Variants in MCM4 observed in about 807,000 individuals in gnomAD.
The protein encoded by MCM4 is DNA replication licensing factor MCM4.
A neutral mutation model predicts 88.7 loss-of-function variants in MCM4; 60 were observed. The observed-to-expected ratio is 0.68, with a 90% CI of 0.55 to 0.84. MCM4 has a LOEUF of 0.84. Ranked by LOEUF, MCM4 falls within the 40% of genes least tolerant of loss-of-function variation. The pLI, the probability that MCM4 is intolerant of heterozygous loss-of-function variation, is 0.00. For missense variants in MCM4, 1,149 were observed against 1,105.5 expected, an observed-to-expected ratio of 1.04 and a Z score of -0.56; for synonymous variants, 465 against 410.5, an observed-to-expected ratio of 1.13 and a Z score of -1.61.
Position 47,961,149 on chromosome 8 carries a change from C to T in MCM4, c.5C>T (p.Ser2Leu). The T allele has an allele frequency of 1.3e-6, 2 of 1,552,488 alleles. No individual in the cohort carries two copies. The highest frequency in any genetic ancestry group is 1.4e-5 in the African/African-American group (1 of 70,590). The change falls in exon 2 of 17, where the codon TCG (serine) becomes TTG (leucine). Residue 2 changes from serine to leucine, a missense_variant. By Grantham distance (145) the Ser-to-Leu change is moderately radical. Around this residue, in one of 3 missense-constraint regions of MCM4, gnomAD observed 906 missense variants for 843.0 expected, o/e 1.07. Coordinates refer to ENST00000649973, the MANE Select transcript of MCM4 (RefSeq NM_182746.3). ...CGCGCAGGTACTCCGAGCACTATGTCGTCCCCGGCGTCGACCCCGAGCCGC... is the reference window on the plus strand; with the variant it reads ...CGCGCAGGTACTCCGAGCACTATGTTGTCCCCGGCGTCGACCCCGAGCCGC... MSSPASTPSRRG... is the reference protein window; with the variant it reads MLSPASTPSRRG...
intron 7 of MCM4, among the ~76,000 whole-genome samples, chr8:47,963,828 G>A (rs1017873431): frequency 6.6e-6 from 1 of 152,202 alleles, no homozygotes; most frequent in Non-Finnish European, 1.5e-5. Flanking sequence ...GCTGATTACT[G>A]GCTGCATAAC....
intron 3 of MCM4, 89 bp downstream of exon 3, chr8:47,961,769 A>G (rs1302493473): frequency 6.8e-7 from 1 of 1,466,612 alleles, no homozygotes; most frequent in Non-Finnish European, 9.2e-7. Flanking sequence ...AACAGTTGGC[A>G]TAACGCCTAA....
rs1399671012 is a variant in MCM4 at position 47,961,700 on chromosome 8, G to C, written c.235+20G>C. ...CTTCAGGTGCGTGTCTGAAGATCTT[G>C]GTTTTGCTGTGCTTGATACACAGCT... On this transcript the variant is annotated intron_variant, in intron 3 of 16. Coordinates refer to ENST00000649973, the MANE Select transcript of MCM4 (RefSeq NM_182746.3). The C allele has an allele frequency of 4.4e-6, 7 of 1,591,098 alleles. No individual in the cohort carries two copies. Among genetic ancestry groups the C allele is most frequent in the Non-Finnish European group, 6.0e-6 (7 of 1,167,390 alleles).
chr8:47,976,957 T>G lies in MCM4; in HGVS notation c.*179T>G, dbSNP rs1212567770. The stretch of plus-strand genomic sequence containing the variant: ...AGTGAAGTATCTGTTTTCATTTTTT[T>G]CACGTTATAAATAAAAATACTATGC... On this transcript the variant is annotated 3_prime_UTR_variant, in exon 17 of 17. Transcript: ENST00000649973. 9.9e-6 allele frequency: 5 copies of G among 506,944 alleles called. No individual in the cohort carries two copies. In the East Asian group the frequency reaches 1.7e-4, roughly 17 times the overall value. 31.4% of individuals were successfully genotyped at this position (506,944 alleles called of 1,614,324 possible).
Position 47,970,592 on chromosome 8 carries a change from A to C in MCM4, c.1516A>C (p.Ile506Leu). 6.2e-7 allele frequency: 1 copy of C among 1,614,136 alleles called. No homozygotes were observed. The highest frequency in any genetic ancestry group is 1.3e-5 in the African/African-American group (1 of 75,020). The change falls in exon 12 of 17, where the codon ATC (isoleucine) becomes CTC (leucine). Residue 506 changes from isoleucine to leucine, a missense_variant. Coordinates refer to ENST00000649973, the MANE Select transcript of MCM4 (RefSeq NM_182746.3). ...GRGKFRAEIN[I>L]LLCGDPGTSK... is the part of the protein sequence containing the mutation. ...GGGCAAATTTCGGGCTGAGATCAAC[A>C]TCTTGCTGTGTGGCGACCCTGGTAC...
chr8:47,961,776 C>A, intron 3 of MCM4, 96 bp downstream of exon 3: 1 of 1,410,876 alleles, frequency 7.1e-7, no homozygotes, highest in Non-Finnish European at 9.6e-7. Context: ...GGCATAACGC[C>A]TAAAGCATCC....
intron 9 of MCM4, 129 bp downstream of exon 9, chr8:47,966,536 G>A: frequency 4.3e-6 from 4 of 929,836 alleles, no homozygotes; most frequent in Non-Finnish European, 6.4e-6. Context: ...TGGTCTTGTG[G>A]GTTTCGTTAG....
Position 47,961,201 on chromosome 8 carries a change from C to A in MCM4, c.57C>A (p.Thr19=). The A allele has an allele frequency of 2.0e-6, 3 of 1,527,750 alleles. No individual in the cohort carries two copies. Among genetic ancestry groups the A allele is most frequent in the Non-Finnish European group, 2.6e-6 (3 of 1,146,282 alleles). 94.6% of individuals were successfully genotyped at this position (1,527,750 alleles called of 1,614,324 possible). Residue 19 remains threonine (T), a synonymous_variant, in exon 2 of 17, where the codon ACC becomes ACA. Transcript: ENST00000649973. ...SRRGSRRGRA[T]PAQTPRSEDA... Reference sequence around the variant, plus strand: ...GCGGCAGCCGGCGTGGAAGGGCCACCCCCGCCCAGACGCGTGAGTCCCCCG... The same window carrying A: ...GCGGCAGCCGGCGTGGAAGGGCCACACCCGCCCAGACGCGTGAGTCCCCCG...
chr8:47,967,802 A>G (rs1240776720), intron 10 of MCM4, among the ~76,000 whole-genome samples: 1 of 152,200 alleles, frequency 6.6e-6, no homozygotes, highest in Non-Finnish European at 1.5e-5. Context: ...ATCATGAGAG[A>G]GCAGCCTCAG....
intron 15 of MCM4, chr8:47,975,485 TG>T (rs1393250112): frequency 3.1e-6 from 1 of 320,918 alleles, no homozygotes; most frequent in East Asian, 5.2e-5. Flanking sequence ...AGAAGTTGTT[TG>T]TTTCTTAGCA....
rs767159783 is a variant in MCM4, at chr8:47,970,831, G to A, written c.1755G>A (p.Ser585=). 1.2e-5 allele frequency: 20 copies of A among 1,610,554 alleles called. No individual in the cohort carries two copies. In the East Asian group the frequency reaches 1.6e-4, roughly 13 times the overall value. Reference sequence around the variant, plus strand: ...ACAAGATGAATGAAAGTACAAGATCGGTATTGCATGAAGTCATGGAACAGC... The same window carrying A: ...ACAAGATGAATGAAAGTACAAGATCAGTATTGCATGAAGTCATGGAACAGC... ...EFDKMNESTR[S]VLHEVMEQQT... Residue 585 remains serine (S), a synonymous_variant, in exon 12 of 17, where the codon TCG becomes TCA. Transcript: ENST00000649973.
intron 7 of MCM4, among the ~76,000 whole-genome samples, chr8:47,963,556 T>C (rs1028604577): frequency 3.9e-5 from 6 of 152,236 alleles, no homozygotes; most frequent in African/African-American, 1.4e-4. Flanking sequence ...AATGACAGGT[T>C]ATGGTTTACT....
Position 47,967,358 on chromosome 8 carries a change from C to T in MCM4, c.1054-7C>T. On this transcript the variant is annotated splice_polypyrimidine_tract_variant and splice_region_variant and intron_variant, in intron 9 of 16. Transcript: ENST00000649973. ...GGCCCACATGTTCTCTGTTTGCTGA[C>T]CTTCAGATCAAGCTTCAGGAGTCTC... 6.2e-7 allele frequency: 1 copy of T among 1,614,086 alleles called. No homozygotes were observed. The highest frequency in any genetic ancestry group is 8.5e-7 in the Non-Finnish European group (1 of 1,179,978).
intron 7 of MCM4, 145 bp downstream of exon 7, chr8:47,963,185 G>C: frequency 1.7e-6 from 1 of 577,192 alleles, no homozygotes; most frequent in South Asian, 2.2e-5. Context: ...CGGTGTGGTG[G>C]CTCACACCTA....
chr8:47,961,968 C>T (rs1420756154), intron 3 of MCM4, 85 bp from the exon 4 acceptor site: 4 of 1,263,630 alleles, frequency 3.2e-6, no homozygotes, highest in Admixed American at 3.6e-5. Context: ...TTTGCTGTTG[C>T]GATTAGATGG....
intron 7 of MCM4, among the ~76,000 whole-genome samples, 179 bp downstream of exon 7, chr8:47,963,219 G>C (rs923026793): frequency 2.6e-5 from 4 of 152,242 alleles, no homozygotes; most frequent in African/African-American, 4.8e-5. Context: ...TTAGGACGCC[G>C]AGGCAAATGG....
At chr8:47,964,435 C>T (rs1022290424) in intron 7 of MCM4, 139 bp from the exon 8 acceptor site, 1 of 537,800 alleles carries the variant, frequency 1.9e-6, no homozygotes, top group South Asian at 3.4e-5. Flanking sequence ...AATTTGAAAA[C>T]AGCACGTGCA....
intron 10 of MCM4, among the ~76,000 whole-genome samples, chr8:47,968,110 GTCC>G (rs1159453296): frequency 6.6e-6 from 1 of 152,214 alleles, no homozygotes; most frequent in Non-Finnish European, 1.5e-5. Flanking sequence ...GAGTGTGGCA[GTCC>G]TCCTTTTGAT....
chr8:47,972,843 CT>C lies in MCM4; in HGVS notation c.1929-11del. 3 of 1,610,604 alleles carry C rather than the reference CT, an allele frequency of 1.9e-6. No homozygotes were observed. The South Asian group carries it at 3.3e-5, about 18-fold the overall frequency. On this transcript the variant is annotated splice_polypyrimidine_tract_variant and intron_variant, in intron 13 of 16. Transcript: ENST00000649973. ...AGGTGCTGGAAAAACAGTATTTTTA[CT>C]TTGTTTTCTTAGGTTTGATTTGATC...
Sources: gnomAD v4.1 joint callset for allele counts (sites outside exome capture counted in the v4.1 genomes callset) on GRCh38, gnomAD v4.1.1 for gene constraint, gnomAD v4.1.1 regional missense constraint, MANE v1.5 for transcripts, NCBI Gene and HGNC (gene_info 2026-07-23, HGNC 2026-07-21) for gene names.